CRIM1: variants seen among roughly 807,000 people sequenced by gnomAD.
The protein encoded by CRIM1 is cysteine-rich motor neuron 1 protein.
A neutral mutation model predicts 116.4 loss-of-function variants in CRIM1; 32 were observed. That is an observed-to-expected ratio of 0.27 (90% CI 0.21 to 0.37). The LOEUF (loss-of-function observed/expected upper bound fraction) is 0.37. Ranked by LOEUF, CRIM1 falls within the 10% of genes least tolerant of loss-of-function variation. The probability of loss-of-function intolerance (pLI) is 1.00; values close to 1 mark genes in which losing one functional copy is unlikely to be tolerated. For missense variants in CRIM1, 1,331 were observed against 1,354.8 expected (o/e 0.98, Z 0.28); for synonymous variants, 590 against 509.2 (o/e 1.16, Z -2.13).
intron 14 of CRIM1, among the ~76,000 whole-genome samples, 180 bp from the exon 15 acceptor site, chr2:36,544,196 C>T (rs1408773810): frequency 6.6e-6 from 1 of 152,164 alleles, no homozygotes; most frequent in Admixed American, 6.6e-5. Flanking sequence ...CATGTTTCTC[C>T]TCACTGCAAA....
chr2:36,524,706 T>G (rs1665637282), intron 13 of CRIM1, among the ~76,000 whole-genome samples: 1 of 152,242 alleles, frequency 6.6e-6, no homozygotes, highest in Admixed American at 6.5e-5. Flanking sequence ...ACTAGTAAAT[T>G]TGTTTTCATG....
At chr2:36,362,176 A>G (rs1234757670) in intron 1 of CRIM1, among the ~76,000 whole-genome samples, 1 of 152,032 alleles carries the variant, frequency 6.6e-6, no homozygotes, top group African/African-American at 2.4e-5. Flanking sequence ...TCTACATAAT[A>G]ATATAAATTC....
intron 4 of CRIM1, among the ~76,000 whole-genome samples, chr2:36,445,548 C>T (rs1344861346): frequency 6.6e-6 from 1 of 152,210 alleles, no homozygotes; most frequent in Non-Finnish European, 1.5e-5. Context: ...TGCGTGAAGT[C>T]TTGTCTTATC....
At chr2:36,398,444 ATTAG>A (rs549862564) in intron 2 of CRIM1, among the ~76,000 whole-genome samples, 16 of 152,198 alleles carry the variant, frequency 1.1e-4, no homozygotes, top group Non-Finnish European at 1.3e-4. Context: ...TGCATTTGTA[ATTAG>A]TTAGGCGTGT....
intron 3 of CRIM1, 103 bp from the exon 4 acceptor site, chr2:36,442,512 C>G: frequency 2.8e-6 from 4 of 1,413,366 alleles, no homozygotes; most frequent in South Asian, 1.2e-5. Flanking sequence ...TTTGTGGAAG[C>G]AAGGAGACTT....
At chr2:36,487,840 T>C (rs993616330) in intron 7 of CRIM1, among the ~76,000 whole-genome samples, 3 of 152,224 alleles carry the variant, frequency 2.0e-5, no homozygotes, top group African/African-American at 7.2e-5. Context: ...TTTTTATGAC[T>C]TCTAGGGATT....
intron 4 of CRIM1, among the ~76,000 whole-genome samples, chr2:36,462,545 A>G (rs1381716923): frequency 6.6e-6 from 1 of 152,228 alleles, no homozygotes; most frequent in East Asian, 1.9e-4. Context: ...CAACATCTGA[A>G]GAGGTATTTT....
At chr2:36,442,817 TCCCA>T (rs778500804) in intron 4 of CRIM1, 82 bp downstream of exon 4, 2 of 1,534,308 alleles carry the variant, frequency 1.3e-6, no homozygotes, top group Non-Finnish European at 1.8e-6. Context: ...CAGTTTGTTT[TCCCA>T]TGAGAAACCT....
At chr2:36,469,431 G>T (rs558672366) in intron 5 of CRIM1, among the ~76,000 whole-genome samples, 2 of 152,300 alleles carry the variant, frequency 1.3e-5, no homozygotes, top group African/African-American at 4.8e-5. Context: ...CTGGATGAAG[G>T]TCATGTTGCC....
chr2:36,388,277 G>C (rs943374926), intron 1 of CRIM1, among the ~76,000 whole-genome samples: 1 of 152,116 alleles, frequency 6.6e-6, no homozygotes, highest in Non-Finnish European at 1.5e-5. Flanking sequence ...AAAGGTCCTG[G>C]AAAGTGATAT....
intron 4 of CRIM1, among the ~76,000 whole-genome samples, chr2:36,457,573 G>C (rs925327924): frequency 6.6e-6 from 1 of 151,814 alleles, no homozygotes; most frequent in Non-Finnish European, 1.5e-5. Flanking sequence ...CTTGAGACAG[G>C]GGAGAAAGGG....
At chr2:36,357,153 TC>T (rs1210834849) in intron 1 of CRIM1, among the ~76,000 whole-genome samples, 1 of 152,174 alleles carries the variant, frequency 6.6e-6, no homozygotes, top group African/African-American at 2.4e-5. Flanking sequence ...AGCTCTTCCT[TC>T]ACCCCTTCCT....
At chr2:36,532,313 G>A (rs187001498) in intron 13 of CRIM1, among the ~76,000 whole-genome samples, 4 of 152,236 alleles carry the variant, frequency 2.6e-5, no homozygotes, top group African/African-American at 4.8e-5. Context: ...AAAAATAAAC[G>A]TTATTATGTT....
chr2:36,405,013 GGT>G (rs1374277147), intron 2 of CRIM1, among the ~76,000 whole-genome samples: 1 of 152,044 alleles, frequency 6.6e-6, no homozygotes, highest in Non-Finnish European at 1.5e-5. Flanking sequence ...CCTCGTCCTT[GGT>G]CTAGAGGCTG....
intron 1 of CRIM1, among the ~76,000 whole-genome samples, chr2:36,388,844 A>G (rs986078345): frequency 3.9e-5 from 6 of 152,208 alleles, no homozygotes; most frequent in Non-Finnish European, 7.3e-5. Context: ...AAGTACAGCA[A>G]TGGGACATAT....
intron 1 of CRIM1, among the ~76,000 whole-genome samples, chr2:36,360,310 G>A (rs531590704): frequency 2.6e-5 from 4 of 152,172 alleles, no homozygotes; most frequent in East Asian, 1.9e-4. Flanking sequence ...TCACTGTTCC[G>A]AGGACTCTGT....
chr2:36,431,998 A>T (rs181307637), intron 2 of CRIM1, among the ~76,000 whole-genome samples: 71 of 152,326 alleles, frequency 4.7e-4, no homozygotes, highest in Non-Finnish European at 5.9e-4. Flanking sequence ...CCTTCCGGTA[A>T]ACATTACTTG....
intron 2 of CRIM1, among the ~76,000 whole-genome samples, chr2:36,421,015 G>T (rs914900113): frequency 2.0e-5 from 3 of 152,174 alleles, no homozygotes; most frequent in African/African-American, 4.8e-5. Flanking sequence ...AGACCTCTAC[G>T]TGATCAGCTT....
At chr2:36,494,700 A>G (rs1277519858) in intron 7 of CRIM1, among the ~76,000 whole-genome samples, 1 of 152,044 alleles carries the variant, frequency 6.6e-6, no homozygotes, top group Non-Finnish European at 1.5e-5. Flanking sequence ...CATAACAAAC[A>G]CCCATTTTTG....
Sources: allele counts gnomAD v4.1 joint callset (sites outside exome capture counted in the v4.1 genomes callset), GRCh38; gene constraint gnomAD v4.1.1; transcripts MANE v1.5; gene names NCBI Gene and HGNC (gene_info 2026-07-23, HGNC 2026-07-21).